The following HHAT variants were observed in gnomAD, a reference collection of about 807,000 sequenced individuals.
HHAT encodes the protein hedgehog acyltransferase.
In HHAT, 47 loss-of-function variants were observed where a neutral mutation model predicts 70.8. That is an observed-to-expected ratio of 0.66 (90% CI 0.53 to 0.85). HHAT has a LOEUF of 0.85. Among genes scored for constraint, HHAT ranks in the 40% least tolerant of loss-of-function variants. The probability of loss-of-function intolerance (pLI) is 0.00; values close to 1 mark genes in which losing one functional copy is unlikely to be tolerated. For missense variants in HHAT, 609 were observed against 604.8 expected, an observed-to-expected ratio of 1.01 and a Z score of -0.07; for synonymous variants, 228 against 247.6, an observed-to-expected ratio of 0.92 and a Z score of 0.74.
chr1:210,670,542 A>G (rs35936572), intron 11 of HHAT, among the ~76,000 whole-genome samples: 7,469 of 152,240 alleles, frequency 0.049, 276 homozygotes, highest in Middle Eastern at 0.078. Context: ...CATTGGGATA[A>G]ATAGTATTCC....
chr1:210,569,402 G>T (rs999616648), intron 9 of HHAT, among the ~76,000 whole-genome samples: 1 of 52,042 alleles, frequency 1.9e-5, no homozygotes, highest in Non-Finnish European at 5.2e-5. Flanking sequence ...AAAAAAAAGC[G>T]TATAGCAGCA....
At chr1:210,414,259 C>G (rs1178593525) in intron 6 of HHAT, among the ~76,000 whole-genome samples, 2 of 152,204 alleles carry the variant, frequency 1.3e-5, no homozygotes, top group Admixed American at 1.3e-4. Flanking sequence ...AGGGTCTGCT[C>G]TCATGACCTA....
chr1:210,527,121 G>A (rs1239794947), intron 9 of HHAT, among the ~76,000 whole-genome samples: 1 of 152,112 alleles, frequency 6.6e-6, no homozygotes, highest in Non-Finnish European at 1.5e-5. Flanking sequence ...TTTGATAAGA[G>A]GATTGGAACT....
In HHAT at chr1:210,348,985, C is replaced by G. The variant is rs779025178; in HGVS notation, c.10C>G (p.Arg4Gly). ...TTCGTGCCAAGGAGCCATGCTGCCC[C>G]GATGGGAACTGGCACTTTACCTACT... MLP[R>G]WELALYLLAS... Residue 4 changes from arginine (R) to glycine (G), a missense_variant, in exon 2 of 12, where the codon CGA becomes GGA. Coordinates refer to ENST00000261458, the MANE Select transcript of HHAT (RefSeq NM_018194.6). 1.2e-5 allele frequency: 20 copies of G among 1,613,964 alleles called. No homozygotes were observed. The highest frequency in any genetic ancestry group is 1.5e-5 in the Non-Finnish European group (18 of 1,179,926).
chr1:210,578,585 A>G (rs1331970106), intron 9 of HHAT, among the ~76,000 whole-genome samples: 1 of 152,254 alleles, frequency 6.6e-6, no homozygotes, highest in African/African-American at 2.4e-5. Flanking sequence ...ATCTATTGAT[A>G]CATGAATTGA....
chr1:210,389,594 C>T (rs150364629), intron 4 of HHAT, among the ~76,000 whole-genome samples: 2 of 152,202 alleles, frequency 1.3e-5, no homozygotes, highest in Non-Finnish European at 2.9e-5. Context: ...CCCCACTTTG[C>T]TCATTCTCTC....
Position 210,416,395 on chromosome 1 carries a change from C to A in HHAT, c.685-1759C>A, listed in dbSNP as rs537840435. ...TAGCATTAGTCTGTCCTCTGCATTTCAAGGGAGCTTTCAGTCTCATAAAAT... is the reference window on the plus strand; with the variant it reads ...TAGCATTAGTCTGTCCTCTGCATTTAAAGGGAGCTTTCAGTCTCATAAAAT... On this transcript the variant is annotated intron_variant, in intron 6 of 11. Coordinates refer to ENST00000261458, the MANE Select transcript of HHAT (RefSeq NM_018194.6). Among the ~76,000 whole-genome samples, 3 of 152,342 alleles carry A rather than the reference C, an allele frequency of 2.0e-5. No homozygotes were observed. In the East Asian group the frequency reaches 5.8e-4, roughly 29 times the overall value.
intron 7 of HHAT, among the ~76,000 whole-genome samples, chr1:210,420,936 A>G (rs1167416810): frequency 6.6e-6 from 1 of 152,196 alleles, no homozygotes; most frequent in African/African-American, 2.4e-5. Flanking sequence ...TGAAATAAGT[A>G]TTGTGGGCAG....
At chr1:210,611,410 C>T (rs1020582692) in intron 10 of HHAT, among the ~76,000 whole-genome samples, 1 of 152,110 alleles carries the variant, frequency 6.6e-6, no homozygotes, top group Non-Finnish European at 1.5e-5. Flanking sequence ...AGCTTTTGGG[C>T]TGAGATGATG....
intron 7 of HHAT, among the ~76,000 whole-genome samples, chr1:210,462,036 A>G (rs2093989511): frequency 6.6e-6 from 1 of 152,244 alleles, no homozygotes; most frequent in African/African-American, 2.4e-5. Context: ...CAAATAGTGA[A>G]TATTTTGTGC....
chr1:210,355,847 T>C (rs1001290183), intron 2 of HHAT, among the ~76,000 whole-genome samples: 33 of 152,320 alleles, frequency 2.2e-4, no homozygotes, highest in Non-Finnish European at 7.3e-5. Context: ...TTGAAAACTT[T>C]TCAGTACCTT....
intron 9 of HHAT, among the ~76,000 whole-genome samples, chr1:210,566,066 ATAGT>A (rs751886745): frequency 6.6e-5 from 10 of 152,172 alleles, no homozygotes; most frequent in Non-Finnish European, 1.5e-4. Flanking sequence ...TTATCACCTC[ATAGT>A]TAGTTGGATA....
chr1:210,376,244 T>G (rs1292022693), intron 3 of HHAT, among the ~76,000 whole-genome samples: 1 of 152,202 alleles, frequency 6.6e-6, no homozygotes, highest in African/African-American at 2.4e-5. Context: ...TGCATTAATG[T>G]AAATGTTAAT....
intron 9 of HHAT, among the ~76,000 whole-genome samples, chr1:210,550,550 G>A (rs753700028): frequency 6.7e-6 from 1 of 149,098 alleles, no homozygotes; most frequent in Non-Finnish European, 1.5e-5. Flanking sequence ...ATGTTGTTTT[G>A]ACCCCCTTCT....
chr1:210,371,505 T>TGGA (rs1354105974), intron 3 of HHAT, among the ~76,000 whole-genome samples: 2 of 152,176 alleles, frequency 1.3e-5, no homozygotes, highest in East Asian at 3.9e-4. Flanking sequence ...CCACATTCTT[T>TGGA]GGAGGGGCTG....
intron 7 of HHAT, among the ~76,000 whole-genome samples, chr1:210,432,301 T>C (rs1046512365): frequency 6.6e-6 from 1 of 151,856 alleles, no homozygotes; most frequent in African/African-American, 2.4e-5. Context: ...TGTTAAAATT[T>C]AAGAGGTGAG....
At chr1:210,607,063 T>G (rs1665598120) in intron 10 of HHAT, among the ~76,000 whole-genome samples, 1 of 152,226 alleles carries the variant, frequency 6.6e-6, no homozygotes, top group Non-Finnish European at 1.5e-5. Flanking sequence ...AACCTCGTGC[T>G]CTATATGTTT....
At chr1:210,584,188 A>G (rs1482304533) in intron 9 of HHAT, among the ~76,000 whole-genome samples, 1 of 151,584 alleles carries the variant, frequency 6.6e-6, no homozygotes, top group East Asian at 1.9e-4. Flanking sequence ...GTGACCCCCC[A>G]GCCTCGGCTT....
intron 1 of HHAT, among the ~76,000 whole-genome samples, chr1:210,344,645 A>G (rs1558317915): frequency 6.6e-6 from 1 of 152,180 alleles, no homozygotes; most frequent in African/African-American, 2.4e-5. Flanking sequence ...AGACATTCCT[A>G]GAAATCCCTG....
Sources: allele counts gnomAD v4.1 joint callset (sites outside exome capture counted in the v4.1 genomes callset), GRCh38; gene constraint gnomAD v4.1.1; transcripts MANE v1.5; gene names NCBI Gene and HGNC (gene_info 2026-07-23, HGNC 2026-07-21).